The following NAALADL2 variants were observed in gnomAD, a reference collection of about 807,000 sequenced individuals.
NAALADL2 encodes inactive N-acetylated-alpha-linked acidic dipeptidase-like protein 2.
A neutral mutation model predicts 87.2 loss-of-function variants in NAALADL2; 76 were observed. That is an observed-to-expected ratio of 0.87 (90% CI 0.72 to 1.05). The LOEUF (loss-of-function observed/expected upper bound fraction) is 1.05, where lower values mean the gene tolerates loss of function less well. NAALADL2 is among the 50% of genes least tolerant of loss of function. NAALADL2 has a pLI of 0.00. For missense variants in NAALADL2, 1,089 were observed against 945.8 expected (o/e 1.15, Z -1.99); for synonymous variants, 354 against 331.0 (o/e 1.07, Z -0.75).
chr3:175,580,372 A>G (rs1159331256), intron 10 of NAALADL2, among the ~76,000 whole-genome samples: 1 of 152,168 alleles, frequency 6.6e-6, no homozygotes, highest in Non-Finnish European at 1.5e-5. Flanking sequence ...GGAACAGTGT[A>G]ACTCATAGTT....
intron 1 of NAALADL2, among the ~76,000 whole-genome samples, chr3:174,545,461 T>A (rs1217073039): frequency 6.6e-6 from 1 of 152,180 alleles, no homozygotes; most frequent in Non-Finnish European, 1.5e-5. Context: ...TATTCTACTC[T>A]CCTGTGTGAT....
chr3:174,930,814 G>A (rs1343858965), intron 1 of NAALADL2, among the ~76,000 whole-genome samples: 2 of 151,234 alleles, frequency 1.3e-5, no homozygotes, highest in African/African-American at 4.9e-5. Flanking sequence ...ATTAGAGACG[G>A]GGTTTCATCG....
At chr3:174,794,613 C>G (rs1717852817) in intron 3 of NAALADL2, among the ~76,000 whole-genome samples, 1 of 152,126 alleles carries the variant, frequency 6.6e-6, no homozygotes, top group Non-Finnish European at 1.5e-5. Context: ...CTGCACAGAG[C>G]TTATTAAATG....
chr3:175,500,977 A>G (rs944243249), intron 9 of NAALADL2, among the ~76,000 whole-genome samples: 2 of 152,168 alleles, frequency 1.3e-5, no homozygotes, highest in African/African-American at 4.8e-5. Context: ...TTCTGGGAAT[A>G]GTGAATAAGA....
chr3:175,559,324 G>T (rs1362232153), intron 9 of NAALADL2, among the ~76,000 whole-genome samples: 1 of 151,796 alleles, frequency 6.6e-6, no homozygotes, highest in Non-Finnish European at 1.5e-5. Context: ...AAAGTTTGTT[G>T]TTGTTGTTGT....
chr3:175,518,249 T>C (rs533310095), intron 9 of NAALADL2, among the ~76,000 whole-genome samples: 11 of 152,324 alleles, frequency 7.2e-5, no homozygotes, highest in South Asian at 6.2e-4. Context: ...GCCTAAATAA[T>C]TTCTTCTTAA....
At chr3:175,187,885 T>C (rs1254545077) in intron 2 of NAALADL2, among the ~76,000 whole-genome samples, 1 of 152,208 alleles carries the variant, frequency 6.6e-6, no homozygotes, top group Admixed American at 6.5e-5. Flanking sequence ...ACATTATTAA[T>C]GAGAAGTGTA....
At chr3:174,474,198 C>T (rs1717081165) in intron 1 of NAALADL2, among the ~76,000 whole-genome samples, 1 of 152,166 alleles carries the variant, frequency 6.6e-6, no homozygotes, top group Non-Finnish European at 1.5e-5. Context: ...ATGAAAATTA[C>T]ACATGCTCTC....
chr3:174,501,957 C>CT (rs1560018018), intron 1 of NAALADL2, among the ~76,000 whole-genome samples: 1 of 151,658 alleles, frequency 6.6e-6, no homozygotes, highest in African/African-American at 2.4e-5. Context: ...TTCTTTTTCT[C>CT]TTTTTTAACA....
chr3:175,717,803 A>AT (rs10575051), intron 11 of NAALADL2, among the ~76,000 whole-genome samples: 5,338 of 117,868 alleles, frequency 0.045, 296 homozygotes, highest in African/African-American at 0.082. Flanking sequence ...AAGAGAGCAG[A>AT]TTTTTTTTTT....
chr3:175,021,628 C>G (rs910765902), intron 1 of NAALADL2, among the ~76,000 whole-genome samples: 1 of 152,056 alleles, frequency 6.6e-6, no homozygotes, highest in Non-Finnish European at 1.5e-5. Context: ...ACAATCTTAC[C>G]CTCATTTGCA....
intron 12 of NAALADL2, among the ~76,000 whole-genome samples, chr3:175,745,615 G>T (rs1745818492): frequency 6.6e-6 from 1 of 152,152 alleles, no homozygotes; most frequent in Non-Finnish European, 1.5e-5. Flanking sequence ...CAGTCTGCAT[G>T]TAGTAGTACA....
At chr3:174,513,946 T>C (rs527751241) in intron 1 of NAALADL2, among the ~76,000 whole-genome samples, 1 of 152,212 alleles carries the variant, frequency 6.6e-6, no homozygotes, top group African/African-American at 2.4e-5. Context: ...GTCTTCTTTT[T>C]CTCTCTCTCT....
In NAALADL2 at chr3:174,894,940, TAAAG is replaced by T. The variant is rs1445909259; in HGVS notation, c.43+35494_43+35497del. On this transcript the variant is annotated intron_variant, in intron 1 of 13. Coordinates refer to ENST00000454872, the MANE Select transcript of NAALADL2 (RefSeq NM_207015.3). ...ATATGCTCCTGGAGCAGTGGGTCAA[TAAAG>T]AAATCAAGAAGGAAAGTGATAAATA... Among the ~76,000 whole-genome samples, 20 of 152,012 alleles carry T rather than the reference TAAAG, an allele frequency of 1.3e-4. No individual in the cohort carries two copies. In the South Asian group the frequency reaches 2.7e-3, roughly 20 times the overall value.
intron 1 of NAALADL2, among the ~76,000 whole-genome samples, chr3:175,063,488 T>C (rs1488858411): frequency 2.6e-5 from 4 of 151,912 alleles, no homozygotes; most frequent in Non-Finnish European, 5.9e-5. Context: ...TATATTTTAC[T>C]GCTTTTGAGA....
intron 2 of NAALADL2, among the ~76,000 whole-genome samples, chr3:174,617,532 G>T (rs1720578031): frequency 6.6e-6 from 1 of 151,614 alleles, no homozygotes; most frequent in African/African-American, 2.4e-5. Flanking sequence ...GATTTGACCT[G>T]TGAATTCAAT....
intron 3 of NAALADL2, among the ~76,000 whole-genome samples, chr3:175,253,750 T>G (rs1353153725): frequency 6.6e-6 from 1 of 152,132 alleles, no homozygotes; most frequent in Non-Finnish European, 1.5e-5. Flanking sequence ...AACGGGAGTT[T>G]GAAAGAAATT....
At chr3:175,205,262 A>T (rs112476713) in intron 2 of NAALADL2, among the ~76,000 whole-genome samples, 9 of 152,248 alleles carry the variant, frequency 5.9e-5, no homozygotes, top group African/African-American at 2.2e-4. Context: ...TAGGCACATA[A>T]ACCAATGGAA....
intron 11 of NAALADL2, among the ~76,000 whole-genome samples, chr3:175,732,500 G>T (rs907913737): frequency 6.6e-6 from 1 of 152,106 alleles, no homozygotes; most frequent in Non-Finnish European, 1.5e-5. Context: ...GTCCATCTAG[G>T]TGTAGTTGTA....
Sources: gnomAD v4.1 joint callset for allele counts (sites outside exome capture counted in the v4.1 genomes callset) on GRCh38, gnomAD v4.1.1 for gene constraint, MANE v1.5 for transcripts, NCBI Gene and HGNC (gene_info 2026-07-23, HGNC 2026-07-21) for gene names.